TMEM232: variants seen among roughly 807,000 people sequenced by gnomAD.
TMEM232 encodes the protein transmembrane protein 232.
A neutral mutation model predicts 78.8 loss-of-function variants in TMEM232; 80 were observed. The observed-to-expected ratio is 1.01, with a 90% CI of 0.85 to 1.22. TMEM232 has a LOEUF of 1.22. Among genes scored for constraint, TMEM232 ranks in the 50% most tolerant of loss-of-function variants. The probability of loss-of-function intolerance (pLI) is 0.00; values close to 1 mark genes in which losing one functional copy is unlikely to be tolerated. For synonymous variants in TMEM232, 297 were observed against 254.3 expected, an observed-to-expected ratio of 1.17 and a Z score of -1.60; for missense variants, 881 against 742.2, an observed-to-expected ratio of 1.19 and a Z score of -2.17.
chr5:110,417,195 T>G (rs1300604997), downstream of TMEM232, among the ~76,000 whole-genome samples: 5 of 152,186 alleles, frequency 3.3e-5, no homozygotes, highest in African/African-American at 1.2e-4. Context: ...GAAAGAAGTT[T>G]TAGATAGAAC....
At chr5:110,533,517 CT>C (rs199852349) in intron 11 of TMEM232, among the ~76,000 whole-genome samples, 4,423 of 152,250 alleles carry the variant, frequency 0.029, 72 homozygotes, top group African/African-American at 0.047. Flanking sequence ...TTTAGAGGCC[CT>C]AAAAATCACA....
At chr5:110,403,412 G>T (rs975224796) in intron 2 of TMEM232, among the ~76,000 whole-genome samples, 1 of 152,048 alleles carries the variant, frequency 6.6e-6, no homozygotes, top group Non-Finnish European at 1.5e-5. Context: ...AGAGTTTGCT[G>T]GGATATCTAA....
intron 1 of TMEM232, among the ~76,000 whole-genome samples, chr5:110,689,588 C>T (rs571483475): frequency 1.4e-4 from 21 of 152,218 alleles, no homozygotes; most frequent in African/African-American, 4.3e-4. Flanking sequence ...AATGCTATCC[C>T]CATCAAGCTA....
chr5:110,724,967 T>C (rs1327093822), intron 1 of TMEM232, among the ~76,000 whole-genome samples: 4 of 152,238 alleles, frequency 2.6e-5, no homozygotes, highest in African/African-American at 9.6e-5. Flanking sequence ...ATGAAAGTAA[T>C]AGGAATAAAA....
At chr5:110,537,295 T>A (rs190765842) in intron 11 of TMEM232, among the ~76,000 whole-genome samples, 4,432 of 149,646 alleles carry the variant, frequency 0.03, 71 homozygotes, top group African/African-American at 0.053. Flanking sequence ...ATATATATTT[T>A]TTTTTTTCTG....
chr5:110,677,664 A>C (rs976403148), intron 1 of TMEM232, among the ~76,000 whole-genome samples: 3 of 152,196 alleles, frequency 2.0e-5, no homozygotes, highest in African/African-American at 7.2e-5. Context: ...TTTCTTTAAA[A>C]TATAATTTGT....
In TMEM232 at chr5:110,420,477, TGAC is replaced by T; in HGVS notation, c.*100_*102del. Reference sequence around the variant, plus strand: ...CTTTCTAAACAATACCTCCATTTAATGACAAGAAAGTTCTCTTACTATGTAGCT... The same window carrying T: ...CTTTCTAAACAATACCTCCATTTAATAAGAAAGTTCTCTTACTATGTAGCT... On this transcript the variant is annotated 3_prime_UTR_variant, in exon 14 of 14. Coordinates refer to ENST00000455884, the MANE Select transcript of TMEM232 (RefSeq NM_001039763.4). The T allele has an allele frequency of 1.4e-6, 1 of 698,134 alleles. No individual in the cohort carries two copies. Among genetic ancestry groups the T allele is most frequent in the Non-Finnish European group, 2.1e-6 (1 of 470,778 alleles). The allele number at this position is 698,134 out of a possible 1,614,324, so 43.2% of individuals were successfully genotyped here. A position where few individuals can be genotyped will look rare whatever the true frequency, so the allele number is the denominator to read the frequency against.
chr5:110,577,823 C>T (rs1777738232), intron 10 of TMEM232, among the ~76,000 whole-genome samples: 1 of 151,866 alleles, frequency 6.6e-6, no homozygotes, highest in African/African-American at 2.4e-5. Context: ...TAAATGATGA[C>T]AACACATGGA....
intron 1 of TMEM232, among the ~76,000 whole-genome samples, chr5:110,668,325 T>C (rs1411921591): frequency 6.6e-6 from 1 of 152,136 alleles, no homozygotes; most frequent in East Asian, 1.9e-4. Flanking sequence ...AGCTTTGGCC[T>C]TTAAGTGAGA....
chr5:110,684,614 T>C (rs1793164896), intron 1 of TMEM232, among the ~76,000 whole-genome samples: 2 of 152,178 alleles, frequency 1.3e-5, no homozygotes, highest in Admixed American at 1.3e-4. Flanking sequence ...GAGTTCGAGT[T>C]ATTCTTTTTA....
chr5:110,624,225 G>A (rs945101042), intron 7 of TMEM232, among the ~76,000 whole-genome samples: 5 of 152,092 alleles, frequency 3.3e-5, no homozygotes, highest in Admixed American at 1.3e-4. Context: ...AGGGTAAAGT[G>A]AGGTCCTAAA....
chr5:110,501,640 C>G (rs1291406689), intron 12 of TMEM232, among the ~76,000 whole-genome samples: 2 of 152,034 alleles, frequency 1.3e-5, no homozygotes, highest in African/African-American at 4.8e-5. Context: ...CCCAAATAAC[C>G]CCACATTAAC....
At chr5:110,603,137 G>C (rs1781151880) in intron 10 of TMEM232, among the ~76,000 whole-genome samples, 1 of 152,080 alleles carries the variant, frequency 6.6e-6, no homozygotes, top group Non-Finnish European at 1.5e-5. Flanking sequence ...ACCCGGGCCT[G>C]TCAGGGGTTG....
chr5:110,485,936 C>T (rs553049089), intron 12 of TMEM232, among the ~76,000 whole-genome samples: 3 of 152,114 alleles, frequency 2.0e-5, no homozygotes, highest in Admixed American at 6.6e-5. Context: ...CCCACCTAGC[C>T]GTGTAGAAGT....
rs148886055 is a variant in TMEM232 at position 110,481,322 on chromosome 5, C to T, written c.1703+47266G>A. ...ACAAATACGACAAAAGGAAAAGCAA[C>T]ATAAGTCAGCAAATCAAATATCCAT... On this transcript the variant is annotated intron_variant, in intron 12 of 13. Transcript: ENST00000455884. Among the ~76,000 whole-genome samples the T allele has an allele frequency of 9.8e-4, 149 of 152,154 alleles. No homozygotes were observed. The South Asian group carries it at 0.016, about 16-fold the overall frequency.
intron 12 of TMEM232, among the ~76,000 whole-genome samples, chr5:110,427,068 T>C (rs1314005623): frequency 2.0e-5 from 3 of 151,790 alleles, no homozygotes; most frequent in Non-Finnish European, 2.9e-5. Flanking sequence ...TGCTAGAAAA[T>C]AAAAAATTAT....
intron 3 of TMEM232, among the ~76,000 whole-genome samples, chr5:110,393,237 A>G (rs1269902575): frequency 3.9e-5 from 6 of 152,216 alleles, no homozygotes; most frequent in South Asian, 2.1e-4. Flanking sequence ...TACTTGTTCT[A>G]TCAAATGCTG....
In TMEM232 at chr5:110,695,748, C is replaced by T. The variant is rs147964918; in HGVS notation, c.-12-28384G>A. 6.4e-3 allele frequency among the ~76,000 whole-genome samples: 967 copies of T among 152,254 alleles called. 19 individuals carry two copies. The highest frequency in any genetic ancestry group is 0.022 in the African/African-American group (894 of 41,542). The stretch of plus-strand genomic sequence containing the variant: ...ACACATACACCCTCCAAAAACTAAA[C>T]CAGCAAGAAGCTGAATCTCTGAATA... On this transcript the variant is annotated intron_variant, in intron 1 of 13. Coordinates refer to ENST00000455884, the MANE Select transcript of TMEM232 (RefSeq NM_001039763.4).
At chr5:110,404,629 A>G (rs2112573372) in intron 2 of TMEM232, among the ~76,000 whole-genome samples, 1 of 152,256 alleles carries the variant, frequency 6.6e-6, no homozygotes, top group Middle Eastern at 3.4e-3. Flanking sequence ...TATATGAAGA[A>G]GAGCTAAAAA....
Sources: gnomAD v4.1 joint callset for allele counts (sites outside exome capture counted in the v4.1 genomes callset) on GRCh38, gnomAD v4.1.1 for gene constraint, MANE v1.5 for transcripts, NCBI Gene and HGNC (gene_info 2026-07-23, HGNC 2026-07-21) for gene names.